GAP43: variants seen among roughly 807,000 people sequenced by gnomAD.
GAP43 encodes the protein growth associated protein 43.
A neutral mutation model predicts 18.6 loss-of-function variants in GAP43; 6 were observed. That is an observed-to-expected ratio of 0.32 (90% CI 0.18 to 0.64). The LOEUF is 0.64. GAP43 is among the 30% of genes least tolerant of loss of function. The pLI, the probability that GAP43 is intolerant of heterozygous loss-of-function variation, is 0.78. For missense variants in GAP43, 292 were observed against 295.5 expected, an observed-to-expected ratio of 0.99 and a Z score of 0.09; for synonymous variants, 115 against 111.4, an observed-to-expected ratio of 1.03 and a Z score of -0.20.
At chr3:115,642,119 C>T (rs995407624) in intron 1 of GAP43, among the ~76,000 whole-genome samples, 2 of 152,040 alleles carry the variant, frequency 1.3e-5, no homozygotes, top group Non-Finnish European at 2.9e-5. Context: ...AGACCATACT[C>T]CCAATTTCTA....
chr3:115,672,051 C>T lies in GAP43; in HGVS notation c.31-3962C>T, dbSNP rs748348459. 5.9e-5 allele frequency among the ~76,000 whole-genome samples: 9 copies of T among 152,104 alleles called. No individual in the cohort carries two copies. The East Asian group carries it at 9.6e-4, about 16-fold the overall frequency. On this transcript the variant is annotated intron_variant, in intron 1 of 2. Transcript: ENST00000305124. The stretch of plus-strand genomic sequence containing the variant: ...GAGTATTTTTAAGTGAATAAATCAA[C>T]GAGAATGCTGATGTGAAGCCTTATG...
At chr3:115,651,613 GGTTGT>G (rs1257957703) in intron 1 of GAP43, among the ~76,000 whole-genome samples, 3 of 152,236 alleles carry the variant, frequency 2.0e-5, no homozygotes, top group South Asian at 4.1e-4. Flanking sequence ...AGAAGCAGAA[GGTTGT>G]AGTTTCTCTA....
chr3:115,662,523 C>T (rs1289877941), intron 1 of GAP43, among the ~76,000 whole-genome samples: 2 of 152,118 alleles, frequency 1.3e-5, no homozygotes, highest in East Asian at 3.9e-4. Context: ...GAGTTGGCTA[C>T]TGGATTTTTC....
At chr3:115,707,089 G>C (rs1709374039) in intron 2 of GAP43, among the ~76,000 whole-genome samples, 1 of 152,038 alleles carries the variant, frequency 6.6e-6, no homozygotes, top group South Asian at 2.1e-4. Context: ...TCAATGTTAG[G>C]TCCCTTCTAG....
At chr3:115,675,233 A>G (rs1372770891) in intron 1 of GAP43, among the ~76,000 whole-genome samples, 2 of 152,060 alleles carry the variant, frequency 1.3e-5, no homozygotes, top group Non-Finnish European at 2.9e-5. Context: ...CACTACACCC[A>G]TCTAATTTTA....
In GAP43 at chr3:115,721,043, C is replaced by CA; in HGVS notation, c.*162dup. On this transcript the variant is annotated 3_prime_UTR_variant, in exon 3 of 3. Transcript: ENST00000305124. Reference sequence around the variant, plus strand: ...GCCCTCTTTCTCTCTGTGTGGCAAACATTTAAAAAAAAAAAAAAAAAGCAG... The same window carrying CA: ...GCCCTCTTTCTCTCTGTGTGGCAAACAATTTAAAAAAAAAAAAAAAAAGCAG... 1.6e-5 allele frequency: 4 copies of CA among 249,232 alleles called. No individual in the cohort carries two copies. Among genetic ancestry groups the CA allele is most frequent in the South Asian group, 1.5e-4 (1 of 6,586 alleles). The allele number at this position is 249,232 out of a possible 1,614,324, so 15.4% of individuals were successfully genotyped here.
chr3:115,663,441 C>A, intron 1 of GAP43: 1 of 803,044 alleles, frequency 1.2e-6, no homozygotes, highest in Non-Finnish European at 1.6e-6. Context: ...AGCCATAGTT[C>A]CTGACCTGAT....
intron 1 of GAP43, among the ~76,000 whole-genome samples, chr3:115,666,440 A>T (rs1160990466): frequency 1.2e-4 from 18 of 152,186 alleles, no homozygotes; most frequent in Non-Finnish European, 8.8e-5. Flanking sequence ...TATTTGTCTT[A>T]TCAACATGCC....
At chr3:115,661,257 T>C (rs557186562) in intron 1 of GAP43, 1 of 152,300 alleles carries the variant, frequency 6.6e-6, no homozygotes, top group South Asian at 2.1e-4. Flanking sequence ...CAGCAAGTTT[T>C]CTGTGCTTTT....
intron 1 of GAP43, among the ~76,000 whole-genome samples, chr3:115,628,985 C>T (rs745890446): frequency 4.6e-5 from 7 of 152,196 alleles, no homozygotes; most frequent in Non-Finnish European, 8.8e-5. Flanking sequence ...GTGTATCACA[C>T]TTGATCTTCC....
In GAP43 at chr3:115,720,827, C is replaced by A. The variant is rs529968440; in HGVS notation, c.662C>A (p.Ala221Asp). The A allele has an allele frequency of 6.2e-7, 1 of 1,612,752 alleles. No individual in the cohort carries two copies. The highest frequency in any genetic ancestry group is 1.1e-5 in the South Asian group (1 of 91,012). ...AVDETKPKESARQDEGKEEEP... is the reference protein window; with the variant it reads ...AVDETKPKESDRQDEGKEEEP... ...GATGAAACCAAACCTAAGGAAAGTG[C>A]CCGGCAGGACGAGGGTAAAGAAGAG... Residue 221 changes from alanine (A) to aspartate (D), a missense_variant, in exon 3 of 3, where the codon GCC becomes GAC. Transcript: ENST00000305124.
chr3:115,653,232 G>C (rs149624127), intron 1 of GAP43, among the ~76,000 whole-genome samples: 35 of 152,252 alleles, frequency 2.3e-4, no homozygotes, highest in African/African-American at 8.4e-4. Flanking sequence ...TTGAAGTCAG[G>C]AGTTCAAGAC....
intron 2 of GAP43, among the ~76,000 whole-genome samples, chr3:115,697,131 A>G (rs1273629421): frequency 6.6e-6 from 1 of 152,002 alleles, no homozygotes; most frequent in Admixed American, 6.6e-5. Context: ...GAGCCACCAC[A>G]CCCAGCCAAT....
chr3:115,657,476 A>AT (rs150727454), intron 1 of GAP43, among the ~76,000 whole-genome samples: 3,826 of 152,164 alleles, frequency 0.025, 134 homozygotes, highest in African/African-American at 0.085. Flanking sequence ...TTTCGCAAAT[A>AT]TTTTTTCAGT....
At chr3:115,633,670 C>T (rs987234856) in intron 1 of GAP43, among the ~76,000 whole-genome samples, 5 of 152,144 alleles carry the variant, frequency 3.3e-5, no homozygotes, top group Non-Finnish European at 7.4e-5. Flanking sequence ...AGCAAATCTC[C>T]GTACCAGTTT....
intron 1 of GAP43, among the ~76,000 whole-genome samples, chr3:115,652,131 A>G (rs1384756598): frequency 6.6e-6 from 1 of 152,078 alleles, no homozygotes; most frequent in Non-Finnish European, 1.5e-5. Flanking sequence ...AACATTTACC[A>G]TTGAAACTGA....
At chr3:115,657,914 G>A (rs976752032) in intron 1 of GAP43, among the ~76,000 whole-genome samples, 4 of 152,040 alleles carry the variant, frequency 2.6e-5, no homozygotes, top group African/African-American at 9.7e-5. Flanking sequence ...AAAGAGACAA[G>A]GTATTACTAA....
At chr3:115,625,478 C>A (rs1460696097) in intron 1 of GAP43, among the ~76,000 whole-genome samples, 1 of 152,106 alleles carries the variant, frequency 6.6e-6, no homozygotes, top group Non-Finnish European at 1.5e-5. Flanking sequence ...GAGGTTATTT[C>A]ACTGGTGAGC....
intron 2 of GAP43, among the ~76,000 whole-genome samples, chr3:115,677,802 G>A (rs1444213909): frequency 6.6e-6 from 1 of 152,146 alleles, no homozygotes; most frequent in Non-Finnish European, 1.5e-5. Context: ...GAATGTTTTG[G>A]CATCTGACCA....
Sources: allele counts gnomAD v4.1 joint callset (sites outside exome capture counted in the v4.1 genomes callset), GRCh38; gene constraint gnomAD v4.1.1; transcripts MANE v1.5; gene names NCBI Gene and HGNC (gene_info 2026-07-23, HGNC 2026-07-21).